Variants in PCSK4 observed in about 807,000 individuals in gnomAD.
The protein encoded by PCSK4 is testicular tissue protein Li 135.
Under a neutral mutation model 80.3 loss-of-function variants are expected in PCSK4, and 64 were observed. The observed-to-expected ratio is 0.80, with a 90% CI of 0.65 to 0.98. PCSK4 has a LOEUF of 0.98. PCSK4 is among the 50% of genes least tolerant of loss of function. PCSK4 has a pLI of 0.00. For missense variants in PCSK4, 1,213 were observed against 1,093.6 expected, an observed-to-expected ratio of 1.11 and a Z score of -1.54; for synonymous variants, 561 against 487.6, an observed-to-expected ratio of 1.15 and a Z score of -1.98.
chr19:1,488,411 C>G (rs1385949408), intron 2 of PCSK4, 131 bp from the exon 3 acceptor site: 3 of 669,670 alleles, frequency 4.5e-6, no homozygotes, highest in African/African-American at 3.6e-5. Flanking sequence ...TCCCCATGTG[C>G]CTGGGGCTCT....
chr19:1,487,679 G>A, exon 6 of PCSK4: 2 of 1,554,642 alleles, frequency 1.3e-6, no homozygotes, highest in Non-Finnish European at 8.7e-7. Context: ...CCCCAGCACA[G>A]CGGGTCCCGT....
Position 1,482,172 on chromosome 19 carries a change from A to AGAGCTGTCCCAGGATGT in PCSK4, c.1838_1854dup (p.Cys619ThrfsTer22). 1 of 1,556,776 alleles carries AGAGCTGTCCCAGGATGT rather than the reference A, an allele frequency of 6.4e-7. No individual in the cohort carries two copies. Among genetic ancestry groups the AGAGCTGTCCCAGGATGT allele is most frequent in the Non-Finnish European group, 8.6e-7 (1 of 1,159,370 alleles). On this transcript the variant is annotated frameshift_variant, in exon 15 of 15. Transcript: ENST00000300954. LOFTEE classifies it low-confidence loss of function (END_TRUNC). ...AACCGCGGGGGGCAGTAGGCCAGGC[A>AGAGCTGTCCCAGGATGT]GAGCTGTCCCAGGATGTAGGCGGGG...
rs768080728 is a variant in PCSK4 at position 1,487,131 on chromosome 19, T to TGCC, written c.855+7_855+9dup. On this transcript the variant is annotated intron_variant, in intron 7 of 14. Transcript: ENST00000300954. ...CCTGCCACCCCTGCCCTCCTCGGGC[T>TGCC]GCCACTCACCTTGGTCACACCACGC... The TGCC allele has an allele frequency of 1.2e-6, 2 of 1,603,492 alleles. No homozygotes were observed. Among genetic ancestry groups the TGCC allele is most frequent in the East Asian group, 4.5e-5 (2 of 44,736 alleles).
rs141467017 is a variant in PCSK4, at chr19:1,486,841, G to A, written c.1068+12C>T. 6.3e-4 allele frequency: 993 copies of A among 1,588,080 alleles called. 3 individuals carry two copies. The East Asian group carries it at 6.9e-3, about 11-fold the overall frequency. On this transcript the variant is annotated intron_variant, in intron 8 of 14. Transcript: ENST00000300954. Reference sequence around the variant, plus strand: ...CCTGGGGAGGGGACCCTGTTGGGGCGGCTGCACTCACGATCTGGGGGTCGG... The same window carrying A: ...CCTGGGGAGGGGACCCTGTTGGGGCAGCTGCACTCACGATCTGGGGGTCGG...
At chr19:1,483,606 C>G (rs1346048099) in intron 11 of PCSK4, 44 bp downstream of exon 11, 5 of 1,499,220 alleles carry the variant, frequency 3.3e-6, no homozygotes, top group Admixed American at 1.8e-5. Context: ...GCCTGTCCCC[C>G]ACACCCCCAG....
chr19:1,488,012 C>G lies in PCSK4; in HGVS notation c.468G>C (p.Val156=), dbSNP rs550048578. 634 of 1,613,526 alleles carry G rather than the reference C, an allele frequency of 3.9e-4. 5 individuals are homozygous for G. The South Asian group carries it at 6.7e-3, about 17-fold the overall frequency. Residue 156 remains valine (V), a synonymous_variant, in exon 4 of 15, where the codon GTG becomes GTC. Coordinates refer to ENST00000300954, the Ensembl canonical transcript of PCSK4. ...GGTCCTTCTCGATGCCATCGTCCAGCACAGAGACCACGATGCCCTGGCCTG... is the reference window on the plus strand; with the variant it reads ...GGTCCTTCTCGATGCCATCGTCCAGGACAGAGACCACGATGCCCTGGCCTG...
At chr19:1,482,456 C>T (rs375499100) in exon 14 of PCSK4, 6 of 1,605,856 alleles carry the variant, frequency 3.7e-6, no homozygotes, top group African/African-American at 2.7e-5. Flanking sequence ...AGAGCAGCAG[C>T]GTGTAGCGGT....
At chr19:1,483,391 C>T (rs746892952) in exon 12 of PCSK4, 3 of 1,605,396 alleles carry the variant, frequency 1.9e-6, no homozygotes, top group Admixed American at 1.7e-5. Flanking sequence ...CGTGCTCCAG[C>T]GAGCGGATGG....
chr19:1,483,267 C>A lies in PCSK4; in HGVS notation c.1571+17G>T. On this transcript the variant is annotated intron_variant, in intron 12 of 14. Coordinates refer to ENST00000300954, the Ensembl canonical transcript of PCSK4. ...ACAGGGCATGAGGCCGCCCCCTCTCCTCTGCGGGCCGCTCACCGTATGGCC... is the reference window on the plus strand; with the variant it reads ...ACAGGGCATGAGGCCGCCCCCTCTCATCTGCGGGCCGCTCACCGTATGGCC... 1 of 1,553,446 alleles carries A rather than the reference C, an allele frequency of 6.4e-7. No individual in the cohort carries two copies. Among genetic ancestry groups the A allele is most frequent in the Admixed American group, 1.9e-5 (1 of 53,632 alleles).
At chr19:1,481,962 G>T in exon 15 of PCSK4, 1 of 1,595,352 alleles carries the variant, frequency 6.3e-7, no homozygotes. Flanking sequence ...CGGCTGTCGG[G>T]GGTGGTGGGT....
chr19:1,483,672 C>A, exon 11 of PCSK4: 1 of 1,595,012 alleles, frequency 6.3e-7, no homozygotes, highest in Admixed American at 1.7e-5. Flanking sequence ...TGGACCCGGA[C>A]GGCGCACTTC....
chr19:1,487,199 C>A, exon 7 of PCSK4: 1 of 1,607,954 alleles, frequency 6.2e-7, no homozygotes, highest in Non-Finnish European at 8.5e-7. Flanking sequence ...GTCCACCGTG[C>A]GGCCGTCGTC....
At position 1,489,657 on chromosome 19, in the gene PCSK4, T is replaced by C. The variant is rs2084833626; in HGVS notation, c.294+136A>G. 1.0e-5 allele frequency: 15 copies of C among 1,439,158 alleles called. No homozygotes were observed. The South Asian group carries it at 2.0e-4, about 19-fold the overall frequency. The allele number at this position is 1,439,158 out of a possible 1,614,324, so 89.1% of individuals were successfully genotyped here. ...TCCTGCCTCCTCTTGCTGTATAGAC[T>C]TGGGGCCCGGGCGGGTCTGAGCCAC... On this transcript the variant is annotated intron_variant, in intron 2 of 14. Transcript: ENST00000300954.
At chr19:1,482,235 C>G (rs904894092) in intron 14 of PCSK4, 28 bp from the exon 15 acceptor site, 2 of 1,523,744 alleles carry the variant, frequency 1.3e-6, no homozygotes, top group Non-Finnish European at 1.8e-6. Flanking sequence ...CGCAAAGGCC[C>G]GTCAGCTTGC....
chr19:1,484,832 A>G (rs1221437388), intron 8 of PCSK4, among the ~76,000 whole-genome samples: 1 of 151,792 alleles, frequency 6.6e-6, no homozygotes, highest in Non-Finnish European at 1.5e-5. Context: ...AAAAAATAGT[A>G]CCAAGAACTG....
At chr19:1,484,119 C>T (rs754655533) in exon 9 of PCSK4, 45 of 1,557,032 alleles carry the variant, frequency 2.9e-5, no homozygotes, top group Non-Finnish European at 3.7e-5. Flanking sequence ...GATGCAGGTC[C>T]GTGGTGACCT....
At chr19:1,489,575 G>T in intron 2 of PCSK4, 1 of 750,074 alleles carries the variant, frequency 1.3e-6, no homozygotes, top group Non-Finnish European at 2.1e-6. Flanking sequence ...GGGAGGACAA[G>T]AGGTGCCCAC....
Position 1,483,245 on chromosome 19 carries a change from G to C in PCSK4, c.1571+39C>G, listed in dbSNP as rs200240738. On this transcript the variant is annotated intron_variant, in intron 12 of 14. Transcript: ENST00000300954. Reference sequence around the variant, plus strand: ...GGGTAGATGGCAGCGTTTACCGACAGGGCATGAGGCCGCCCCCTCTCCTCT... The same window carrying C: ...GGGTAGATGGCAGCGTTTACCGACACGGCATGAGGCCGCCCCCTCTCCTCT... 48 of 1,500,538 alleles carry C rather than the reference G, an allele frequency of 3.2e-5. 1 individual carries two copies. The African/African-American group carries it at 6.4e-4, about 20-fold the overall frequency. 93.0% of individuals were successfully genotyped at this position (1,500,538 alleles called of 1,614,324 possible). A position where few individuals can be genotyped will look rare whatever the true frequency, so the allele number is the denominator to read the frequency against.
In PCSK4 at chr19:1,488,587, TTTTC is replaced by T. The variant is rs1423620196; in HGVS notation, c.295-311_295-308del. 2.6e-5 allele frequency among the ~76,000 whole-genome samples: 4 copies of T among 152,254 alleles called. No homozygotes were observed. The South Asian group carries it at 8.3e-4, about 32-fold the overall frequency. On this transcript the variant is annotated intron_variant, in intron 2 of 14. Transcript: ENST00000300954. ...CTCTCCTGCATCACTTCCTTATTTT[TTTTC>T]TTTTTTTGAGACAGAGTCTTGTTCT... is the stretch of plus-strand genomic sequence containing the variant.
Sources: allele counts gnomAD v4.1 joint callset (sites outside exome capture counted in the v4.1 genomes callset), GRCh38; gene constraint gnomAD v4.1.1; transcripts MANE v1.5; gene names NCBI Gene and HGNC (gene_info 2026-07-23, HGNC 2026-07-21).